Variants in LRGUK observed in about 807,000 individuals in gnomAD.
LRGUK encodes leucine rich repeats and guanylate kinase domain containing.
LRGUK carries 65 observed loss-of-function variants against 76.0 expected under a neutral mutation model. That is an observed-to-expected ratio of 0.85 (90% CI 0.70 to 1.05). The LOEUF (loss-of-function observed/expected upper bound fraction) is 1.05, where lower values mean the gene tolerates loss of function less well. LRGUK is among the 50% of genes least tolerant of loss of function. The pLI is 0.00. For missense variants in LRGUK, 758 were observed against 732.8 expected (o/e 1.03, Z -0.40); for synonymous variants, 268 against 265.6 (o/e 1.01, Z -0.09).
intron 18 of LRGUK, among the ~76,000 whole-genome samples, chr7:134,249,656 C>A (rs1201607402): frequency 6.6e-6 from 1 of 152,096 alleles, no homozygotes; most frequent in Non-Finnish European, 1.5e-5. Context: ...AAGTGCAATA[C>A]ATAAAAGGCC....
At chr7:134,217,896 G>A (rs1801477868) in intron 15 of LRGUK, among the ~76,000 whole-genome samples, 1 of 151,996 alleles carries the variant, frequency 6.6e-6, no homozygotes, top group Non-Finnish European at 1.5e-5. Flanking sequence ...TTGTAGGTAT[G>A]AATTATTCTT....
At chr7:134,127,983 A>G (rs1797092839) in intron 1 of LRGUK, among the ~76,000 whole-genome samples, 1 of 152,086 alleles carries the variant, frequency 6.6e-6, no homozygotes, top group African/African-American at 2.4e-5. Flanking sequence ...AGCTTTTTCA[A>G]AATTATACTT....
At chr7:134,224,564 G>A (rs186019932) in intron 16 of LRGUK, among the ~76,000 whole-genome samples, 208 of 152,168 alleles carry the variant, frequency 1.4e-3, no homozygotes, top group African/African-American at 4.9e-3. Flanking sequence ...GTGGGAGGAG[G>A]GAGAGGATCA....
chr7:134,226,800 C>A (rs965765336), intron 16 of LRGUK, among the ~76,000 whole-genome samples: 2 of 152,282 alleles, frequency 1.3e-5, no homozygotes, highest in Admixed American at 6.5e-5. Context: ...AAATGATTGA[C>A]TACAGAACAA....
intron 1 of LRGUK, among the ~76,000 whole-genome samples, chr7:134,128,339 C>T (rs938388836): frequency 6.6e-6 from 1 of 152,148 alleles, no homozygotes; most frequent in East Asian, 1.9e-4. Flanking sequence ...GGCGGCTTCG[C>T]GTTTCACATG....
intron 7 of LRGUK, among the ~76,000 whole-genome samples, chr7:134,165,107 C>T (rs1798915980): frequency 6.6e-6 from 1 of 152,098 alleles, no homozygotes; most frequent in African/African-American, 2.4e-5. Context: ...AATCTCAACT[C>T]AATGCATCTC....
Position 134,258,418 on chromosome 7 carries a change from C to T in LRGUK, c.2347+13C>T. ...GAGACCCGGAAAGGTATGAGTTAGG[C>T]CAAGCGCGGTGGCTCATGCCTGTAA... On this transcript the variant is annotated intron_variant, in intron 19 of 19. Coordinates refer to the LRGUK transcript ENST00000285928. 6.2e-7 allele frequency: 1 copy of T among 1,611,968 alleles called. No individual in the cohort carries two copies. Among genetic ancestry groups the T allele is most frequent in the Non-Finnish European group, 8.5e-7 (1 of 1,178,664 alleles).
At chr7:134,255,707 G>A (rs1477437966) in intron 18 of LRGUK, among the ~76,000 whole-genome samples, 1 of 152,092 alleles carries the variant, frequency 6.6e-6, no homozygotes, top group Non-Finnish European at 1.5e-5. Flanking sequence ...AAAATGGGAA[G>A]GTCCTATATT....
At chr7:134,140,341 AT>A (rs1194647632) in intron 3 of LRGUK, among the ~76,000 whole-genome samples, 3 of 152,014 alleles carry the variant, frequency 2.0e-5, no homozygotes, top group African/African-American at 7.3e-5. Context: ...ACAAATACAT[AT>A]TTTTCATTCT....
intron 5 of LRGUK, among the ~76,000 whole-genome samples, chr7:134,151,736 A>C (rs1798232968): frequency 6.6e-6 from 1 of 152,080 alleles, no homozygotes; most frequent in Non-Finnish European, 1.5e-5. Context: ...AATATTAGAA[A>C]ATCTATAAAC....
chr7:134,165,092 C>A (rs1798915032), intron 7 of LRGUK, among the ~76,000 whole-genome samples: 1 of 152,124 alleles, frequency 6.6e-6, no homozygotes, highest in Non-Finnish European at 1.5e-5. Flanking sequence ...GGAAAGCTCT[C>A]ATTAAATCTC....
At chr7:134,236,605 T>G (rs1302746671) in intron 16 of LRGUK, among the ~76,000 whole-genome samples, 1 of 152,206 alleles carries the variant, frequency 6.6e-6, no homozygotes, top group Non-Finnish European at 1.5e-5. Flanking sequence ...AGCAAGGCAG[T>G]AAGTAGTGGT....
downstream of LRGUK, among the ~76,000 whole-genome samples, chr7:134,210,935 C>T (rs572280316): frequency 9.2e-5 from 14 of 152,362 alleles, no homozygotes; most frequent in South Asian, 2.1e-4. Context: ...GGGAAGACTG[C>T]GCCCCAGGAG....
intron 5 of LRGUK, among the ~76,000 whole-genome samples, chr7:134,150,936 G>T (rs1490020112): frequency 2.0e-5 from 3 of 152,080 alleles, no homozygotes; most frequent in Admixed American, 2.0e-4. Flanking sequence ...TATATAATTA[G>T]AGTGTAACAT....
chr7:134,203,807 A>G (rs534063747), intron 15 of LRGUK, among the ~76,000 whole-genome samples: 12 of 152,292 alleles, frequency 7.9e-5, no homozygotes, highest in Admixed American at 2.6e-4. Context: ...AGCCATCTCT[A>G]TGGAGAAGGG....
intron 18 of LRGUK, among the ~76,000 whole-genome samples, chr7:134,253,343 T>C (rs972435752): frequency 1.3e-5 from 2 of 152,214 alleles, no homozygotes; most frequent in African/African-American, 4.8e-5. Context: ...GGGTCAATTT[T>C]ATTAGCTGTT....
chr7:134,155,208 A>T (rs997316), intron 5 of LRGUK, among the ~76,000 whole-genome samples: 88,512 of 151,982 alleles, frequency 0.58, 26,019 homozygotes, highest in Admixed American at 0.59. Flanking sequence ...ATTTTATTTC[A>T]TCCATACCTG....
chr7:134,185,201 A>C (rs1799931597), intron 11 of LRGUK, among the ~76,000 whole-genome samples: 1 of 152,164 alleles, frequency 6.6e-6, no homozygotes, highest in African/African-American at 2.4e-5. Flanking sequence ...CCATCCAAAA[A>C]AACAAAAAAC....
At chr7:134,254,372 TAATAA>T (rs1802521073) in intron 18 of LRGUK, among the ~76,000 whole-genome samples, 1 of 152,164 alleles carries the variant, frequency 6.6e-6, no homozygotes, top group South Asian at 2.1e-4. Flanking sequence ...CAGGCTGCTA[TAATAA>T]AATACCATAG....
Sources: allele counts gnomAD v4.1 joint callset (sites outside exome capture counted in the v4.1 genomes callset), GRCh38; gene constraint gnomAD v4.1.1; transcripts MANE v1.5; gene names NCBI Gene and HGNC (gene_info 2026-07-23, HGNC 2026-07-21).